The following SETBP1 variants were observed in gnomAD, a reference collection of about 807,000 sequenced individuals.
The protein encoded by SETBP1 is SET binding protein 1.
A neutral mutation model predicts 101.0 loss-of-function variants in SETBP1; 9 were observed. The ratio of observed to expected loss-of-function variants is 0.09; its 90% CI spans 0.05 to 0.16. The LOEUF is 0.16. SETBP1 is among the 10% of genes least tolerant of loss of function. The pLI is 1.00. For missense variants in SETBP1, 1,858 were observed against 2,033.8 expected (o/e 0.91, Z 1.66); for synonymous variants, 818 against 788.5 (o/e 1.04, Z -0.63).
At chr18:44,825,338 C>T (rs549041460) in intron 2 of SETBP1, among the ~76,000 whole-genome samples, 2 of 152,254 alleles carry the variant, frequency 1.3e-5, no homozygotes, top group East Asian at 1.9e-4. Context: ...TGCTGGAAGC[C>T]AGAAAGAGAA....
At chr18:44,763,268 A>G (rs1328632885) in intron 2 of SETBP1, among the ~76,000 whole-genome samples, 1 of 152,240 alleles carries the variant, frequency 6.6e-6, no homozygotes, top group Non-Finnish European at 1.5e-5. Context: ...AAGACGTTAA[A>G]TGCAAGGTCA....
intron 1 of SETBP1, among the ~76,000 whole-genome samples, chr18:44,692,220 C>CA: frequency 6.6e-6 from 1 of 152,230 alleles, no homozygotes; most frequent in East Asian, 1.9e-4. Flanking sequence ...TCAAATGTAA[C>CA]AAAAAAGTTT....
chr18:44,998,148 G>T (rs1471902744), intron 4 of SETBP1, among the ~76,000 whole-genome samples: 1 of 152,196 alleles, frequency 6.6e-6, no homozygotes, highest in African/African-American at 2.4e-5. Flanking sequence ...GTAGTGGGTG[G>T]GTACTGTGGT....
At position 45,063,535 on chromosome 18, in the gene SETBP1, CTCTACCCAAGA is replaced by C; in HGVS notation, c.4629_4639del (p.Leu1544ProfsTer44). ...CCACCACCCCTGCCCCCGCCACCCC[CTCTACCCAAGA>C]CCCCCCGAGGCGGAAAGAGGAAACA... On this transcript the variant is annotated frameshift_variant, in exon 6 of 6. Coordinates refer to ENST00000649279, the MANE Select transcript of SETBP1 (RefSeq NM_015559.3). LOFTEE classifies it high-confidence loss of function. 7.0e-7 allele frequency: 1 copy of C among 1,432,546 alleles called. No individual in the cohort carries two copies. The highest frequency in any genetic ancestry group is 9.3e-7 in the Non-Finnish European group (1 of 1,079,304). 88.7% of individuals were successfully genotyped at this position (1,432,546 alleles called of 1,614,324 possible).
At chr18:44,983,584 C>T (rs537988904) in intron 4 of SETBP1, among the ~76,000 whole-genome samples, 2 of 152,284 alleles carry the variant, frequency 1.3e-5, no homozygotes, top group South Asian at 4.1e-4. Context: ...ATTTTCAAGT[C>T]TCATTTTCAG....
At chr18:44,896,142 G>A (rs1451220533) in intron 3 of SETBP1, among the ~76,000 whole-genome samples, 1 of 152,084 alleles carries the variant, frequency 6.6e-6, no homozygotes, top group Non-Finnish European at 1.5e-5. Flanking sequence ...CCTGACAGGT[G>A]GGCTGAAAGG....
At chr18:44,818,658 G>A (rs2072035534) in intron 2 of SETBP1, among the ~76,000 whole-genome samples, 2 of 151,886 alleles carry the variant, frequency 1.3e-5, no homozygotes, top group South Asian at 4.2e-4. Context: ...AGATCTAAAA[G>A]GCATGAACTA....
intron 2 of SETBP1, among the ~76,000 whole-genome samples, chr18:44,764,328 T>G (rs2070720287): frequency 6.6e-6 from 1 of 152,260 alleles, no homozygotes; most frequent in Admixed American, 6.5e-5. Context: ...TGCTTATGTA[T>G]CCATTCGTTA....
intron 3 of SETBP1, among the ~76,000 whole-genome samples, chr18:44,902,336 T>C (rs1356089169): frequency 6.6e-6 from 1 of 152,168 alleles, no homozygotes; most frequent in Non-Finnish European, 1.5e-5. Flanking sequence ...AAATATTTAT[T>C]TCTACATTAT....
At chr18:45,017,289 G>A (rs953094519) in intron 4 of SETBP1, among the ~76,000 whole-genome samples, 2 of 152,160 alleles carry the variant, frequency 1.3e-5, no homozygotes. Context: ...CAGCAGACCT[G>A]AGGCACACAA....
chr18:44,770,146 C>T (rs1438210165), intron 2 of SETBP1, among the ~76,000 whole-genome samples: 4 of 152,118 alleles, frequency 2.6e-5, no homozygotes, highest in Non-Finnish European at 5.9e-5. Context: ...GATTTCTATT[C>T]GAACTGAAAT....
At chr18:44,730,382 A>G (rs2069812827) in intron 2 of SETBP1, among the ~76,000 whole-genome samples, 1 of 152,220 alleles carries the variant, frequency 6.6e-6, no homozygotes, top group Non-Finnish European at 1.5e-5. Context: ...AGTAAACTCT[A>G]TCCTGAAGGA....
At chr18:44,916,099 G>A (rs1031578194) in intron 3 of SETBP1, among the ~76,000 whole-genome samples, 4 of 152,058 alleles carry the variant, frequency 2.6e-5, no homozygotes, top group Non-Finnish European at 4.4e-5. Context: ...GGTGGTACGC[G>A]CCTGTAGTCC....
At chr18:45,052,294 A>G (rs1041973706) in intron 5 of SETBP1, among the ~76,000 whole-genome samples, 1 of 152,272 alleles carries the variant, frequency 6.6e-6, no homozygotes, top group Non-Finnish European at 1.5e-5. Flanking sequence ...GAGCAAACAG[A>G]TGAATGCTGA....
Position 44,757,817 on chromosome 18 carries a change from A to G in SETBP1, c.486+55985A>G, listed in dbSNP as rs190304666. Among the ~76,000 whole-genome samples, 13 of 152,344 alleles carry G rather than the reference A, an allele frequency of 8.5e-5. No homozygotes were observed. The East Asian group carries it at 2.3e-3, about 27-fold the overall frequency. On this transcript the variant is annotated intron_variant, in intron 2 of 5. Transcript: ENST00000649279. ...GAAAGTATTATAGGAAGCAATGCAT[A>G]AATAACACAGTGCTGTGTAGATCAA...
At chr18:44,690,366 C>T (rs1002000820) in intron 1 of SETBP1, among the ~76,000 whole-genome samples, 7 of 152,206 alleles carry the variant, frequency 4.6e-5, no homozygotes, top group African/African-American at 1.7e-4. Flanking sequence ...CCAGATTACA[C>T]TTTATGTTCA....
intron 3 of SETBP1, among the ~76,000 whole-genome samples, chr18:44,916,820 A>G (rs2070439072): frequency 6.6e-6 from 1 of 152,168 alleles, no homozygotes; most frequent in Non-Finnish European, 1.5e-5. Context: ...ATAAAATGGA[A>G]CTCATAGTTT....
intron 2 of SETBP1, among the ~76,000 whole-genome samples, chr18:44,824,429 C>T (rs980740325): frequency 6.6e-6 from 1 of 152,112 alleles, no homozygotes; most frequent in Non-Finnish European, 1.5e-5. Context: ...GTGTATATCT[C>T]ACTCGATTCT....
At chr18:44,894,025 C>G (rs1348158888) in intron 3 of SETBP1, among the ~76,000 whole-genome samples, 1 of 152,060 alleles carries the variant, frequency 6.6e-6, no homozygotes, top group East Asian at 1.9e-4. Context: ...AGTAAGAGCA[C>G]AACTTGCAAC....
Sources: allele counts gnomAD v4.1 joint callset (sites outside exome capture counted in the v4.1 genomes callset), GRCh38; gene constraint gnomAD v4.1.1; transcripts MANE v1.5; gene names NCBI Gene and HGNC (gene_info 2026-07-23, HGNC 2026-07-21).